Variants in NXPE2 observed in about 807,000 individuals in gnomAD.
NXPE2 encodes neurexophilin and PC-esterase domain family member 2.
NXPE2 carries 34 observed loss-of-function variants against 34.4 expected under a neutral mutation model. The ratio of observed to expected loss-of-function variants is 0.99; its 90% CI spans 0.75 to 1.31. The LOEUF is 1.31. NXPE2 is among the 40% of genes most tolerant of loss of function. The pLI is 0.00. For synonymous variants in NXPE2, 235 were observed against 231.3 expected (o/e 1.02, Z -0.15); for missense variants, 649 against 672.5 (o/e 0.97, Z 0.39).
At chr11:114,787,436 G>A in the NXPE2 span, among the ~76,000 whole-genome samples, 2 of 152,270 alleles carry the variant, frequency 1.3e-5, no homozygotes, top group African/African-American at 4.8e-5. Context: ...CAATGGCTGA[G>A]CTGATAATGC....
chr11:114,522,610 C>T, the NXPE2 span: 3 of 946,972 alleles, frequency 3.2e-6, no homozygotes, highest in Non-Finnish European at 3.1e-6. Context: ...TAATTGCTCA[C>T]TGGAGCCTTT....
At chr11:114,747,710 A>T in the NXPE2 span, among the ~76,000 whole-genome samples, 3 of 152,108 alleles carry the variant, frequency 2.0e-5, no homozygotes, top group Non-Finnish European at 4.4e-5. Context: ...CGGAGAAACC[A>T]ATCACCTGCC....
At chr11:114,639,183 C>T in the NXPE2 span, among the ~76,000 whole-genome samples, 2 of 152,016 alleles carry the variant, frequency 1.3e-5, no homozygotes, top group Admixed American at 6.6e-5. Flanking sequence ...GGGCACCCCT[C>T]CCCCAGCCTC....
chr11:114,626,399 C>T, the NXPE2 span, among the ~76,000 whole-genome samples: 7 of 152,150 alleles, frequency 4.6e-5, no homozygotes, highest in African/African-American at 1.2e-4. Context: ...CTGGGAGGCA[C>T]CCCCCAACAG....
At chr11:114,631,370 G>C in the NXPE2 span, among the ~76,000 whole-genome samples, 1 of 151,718 alleles carries the variant, frequency 6.6e-6, no homozygotes, top group East Asian at 1.9e-4. Context: ...CATGTCCTTT[G>C]TAGGGACATG....
chr11:114,786,700 A>G, the NXPE2 span, among the ~76,000 whole-genome samples: 1 of 152,146 alleles, frequency 6.6e-6, no homozygotes, highest in South Asian at 2.1e-4. Flanking sequence ...CACCCATATC[A>G]TTGTTTCTAG....
chr11:114,777,448 C>T, the NXPE2 span, among the ~76,000 whole-genome samples: 2 of 152,270 alleles, frequency 1.3e-5, no homozygotes, highest in African/African-American at 2.4e-5. Flanking sequence ...AACTGCTGAG[C>T]TTAACCTACA....
upstream of NXPE2, among the ~76,000 whole-genome samples, chr11:114,673,571 G>T (rs1315112274): frequency 6.6e-6 from 1 of 151,528 alleles, no homozygotes; most frequent in African/African-American, 2.4e-5. Context: ...TGACAAACCT[G>T]TAGCTAGAAT....
chr11:114,557,051 C>T, the NXPE2 span, among the ~76,000 whole-genome samples: 1 of 151,972 alleles, frequency 6.6e-6, no homozygotes, highest in Non-Finnish European at 1.5e-5. Flanking sequence ...AGCCACCACA[C>T]CTGGCCAATT....
At chr11:114,624,096 T>C in the NXPE2 span, among the ~76,000 whole-genome samples, 1 of 151,572 alleles carries the variant, frequency 6.6e-6, no homozygotes, top group South Asian at 2.1e-4. Context: ...CTCTGGATAA[T>C]AGGTTTTATG....
At chr11:114,640,171 T>TAAAC in the NXPE2 span, among the ~76,000 whole-genome samples, 87,291 of 130,970 alleles carry the variant, frequency 0.67, 29,448 homozygotes, top group African/African-American at 0.75. Flanking sequence ...TATATATAAA[T>TAAAC]AATTTATATA....
chr11:114,663,684 A>ATCTATCTG, the NXPE2 span, among the ~76,000 whole-genome samples: 1 of 146,076 alleles, frequency 6.8e-6, no homozygotes, highest in South Asian at 2.1e-4. Flanking sequence ...CTATTTATCT[A>ATCTATCTG]TCTATCTATC....
the NXPE2 span, among the ~76,000 whole-genome samples, chr11:114,764,844 A>G: frequency 3.9e-5 from 6 of 152,174 alleles, no homozygotes; most frequent in Admixed American, 3.3e-4. Flanking sequence ...GATCAGTGGG[A>G]GTTTAAAGCC....
chr11:114,507,385 A>G, the NXPE2 span, among the ~76,000 whole-genome samples: 6 of 152,146 alleles, frequency 3.9e-5, no homozygotes, highest in East Asian at 3.9e-4. Context: ...CCCTCATTCT[A>G]TGAGGCCAGC....
the NXPE2 span, among the ~76,000 whole-genome samples, chr11:114,616,001 A>G: frequency 6.6e-6 from 1 of 150,880 alleles, no homozygotes; most frequent in African/African-American, 2.5e-5. Context: ...ACTGTGACCC[A>G]GTGGATAATA....
the NXPE2 span, chr11:114,554,090 T>C: frequency 1.0e-6 from 1 of 985,468 alleles, no homozygotes; most frequent in Non-Finnish European, 1.2e-6. Context: ...GGCCACTATC[T>C]GACTCACTTG....
the NXPE2 span, chr11:114,582,808 T>C: frequency 6.2e-7 from 1 of 1,614,072 alleles, no homozygotes; most frequent in Non-Finnish European, 8.5e-7. Flanking sequence ...GGGTTGAGGA[T>C]GGTGGCTGTG....
At chr11:114,798,372 T>C in the NXPE2 span, among the ~76,000 whole-genome samples, 1 of 151,808 alleles carries the variant, frequency 6.6e-6, no homozygotes, top group Non-Finnish European at 1.5e-5. Flanking sequence ...CTTCCCTCTG[T>C]TTCTTTCTTT....
chr11:114,783,714 T>C, the NXPE2 span, among the ~76,000 whole-genome samples: 1 of 152,210 alleles, frequency 6.6e-6, no homozygotes, highest in Non-Finnish European at 1.5e-5. Context: ...GCTCCTTTCT[T>C]TGAGAAATTT....
Sources: allele counts gnomAD v4.1 joint callset (sites outside exome capture counted in the v4.1 genomes callset), GRCh38; gene constraint gnomAD v4.1.1; transcripts MANE v1.5; gene names NCBI Gene and HGNC (gene_info 2026-07-23, HGNC 2026-07-21).